PPP2R2C: variants seen among roughly 807,000 people sequenced by gnomAD.
PPP2R2C encodes the protein protein phosphatase 2, regulatory subunit B, gamma.
Under a neutral mutation model 45.3 loss-of-function variants are expected in PPP2R2C, and 10 were observed. That is an observed-to-expected ratio of 0.22 (90% CI 0.14 to 0.37). The LOEUF (loss-of-function observed/expected upper bound fraction) is 0.37. PPP2R2C is among the 10% of genes least tolerant of loss of function. The pLI is 1.00. For synonymous variants in PPP2R2C, 257 were observed against 245.4 expected (o/e 1.05, Z -0.44); for missense variants, 308 against 619.7 (o/e 0.50, Z 5.34).
At chr4:6,522,504 C>T (rs1364575702) in intron 2 of PPP2R2C, among the ~76,000 whole-genome samples, 1 of 152,256 alleles carries the variant, frequency 6.6e-6, no homozygotes, top group Non-Finnish European at 1.5e-5. Flanking sequence ...CCAAGAATTC[C>T]CACCCTGTGT....
intron 1 of PPP2R2C, among the ~76,000 whole-genome samples, chr4:6,394,689 T>A (rs1240950799): frequency 6.6e-6 from 1 of 152,188 alleles, no homozygotes; most frequent in East Asian, 1.9e-4. Flanking sequence ...ATCACTTGAG[T>A]CTCAGCCGGG....
At chr4:6,432,243 C>T (rs1719665266) in intron 1 of PPP2R2C, among the ~76,000 whole-genome samples, 1 of 152,204 alleles carries the variant, frequency 6.6e-6, no homozygotes, top group African/African-American at 2.4e-5. Flanking sequence ...TCCCTTGCCT[C>T]TCCTGAGCCA....
chr4:6,522,944 T>G (rs1310949230), intron 2 of PPP2R2C, among the ~76,000 whole-genome samples: 2 of 152,224 alleles, frequency 1.3e-5, no homozygotes, highest in African/African-American at 2.4e-5. Flanking sequence ...ATGAGGAAGC[T>G]GAGGCAGGGA....
At chr4:6,539,997 C>T (rs1056996245) in intron 1 of PPP2R2C, among the ~76,000 whole-genome samples, 2 of 152,228 alleles carry the variant, frequency 1.3e-5, no homozygotes, top group Non-Finnish European at 2.9e-5. Flanking sequence ...CTGCCCTACT[C>T]TGTCGCCTGG....
At chr4:6,412,293 C>T (rs975190559) in intron 1 of PPP2R2C, among the ~76,000 whole-genome samples, 3 of 152,074 alleles carry the variant, frequency 2.0e-5, no homozygotes, top group Admixed American at 6.5e-5. Context: ...TTCTAAACAA[C>T]GTTCAGGGGC....
chr4:6,380,760 C>G (rs987821838), intron 2 of PPP2R2C, among the ~76,000 whole-genome samples: 10 of 152,086 alleles, frequency 6.6e-5, no homozygotes, highest in Non-Finnish European at 1.5e-4. Context: ...CCTCGGCATT[C>G]CAAAGCATCC....
At chr4:6,520,585 G>T (rs758671345) in intron 2 of PPP2R2C, among the ~76,000 whole-genome samples, 7 of 152,248 alleles carry the variant, frequency 4.6e-5, no homozygotes, top group Non-Finnish European at 8.8e-5. Flanking sequence ...AAAACTGGCA[G>T]CCCTGTGTGA....
intron 1 of PPP2R2C, among the ~76,000 whole-genome samples, chr4:6,434,606 A>G (rs910973500): frequency 1.5e-4 from 23 of 151,860 alleles, no homozygotes; most frequent in Admixed American, 4.6e-4. Flanking sequence ...TGATCTGCCA[A>G]TCTCGGCCTC....
At chr4:6,478,049 C>A (rs879001655) in intron 2 of PPP2R2C, among the ~76,000 whole-genome samples, 2 of 152,178 alleles carry the variant, frequency 1.3e-5, no homozygotes, top group Admixed American at 6.5e-5. Context: ...AACTGCGTCT[C>A]CAGCCAACTC....
intron 1 of PPP2R2C, among the ~76,000 whole-genome samples, chr4:6,452,859 T>C (rs796280758): frequency 1.6e-4 from 25 of 152,368 alleles, no homozygotes; most frequent in African/African-American, 6.0e-4. Context: ...GGACCAGCTC[T>C]GTCCCACAGA....
At chr4:6,419,985 T>A (rs1718855358) in intron 1 of PPP2R2C, among the ~76,000 whole-genome samples, 1 of 152,158 alleles carries the variant, frequency 6.6e-6, no homozygotes, top group Non-Finnish European at 1.5e-5. Context: ...CCAAATAAGG[T>A]CACATTCTGA....
rs116602128 is a variant in PPP2R2C, at chr4:6,543,566, C to T, written c.-58-8189G>A. Among the ~76,000 whole-genome samples the T allele has an allele frequency of 4.7e-3, 721 of 152,286 alleles. 1 individual carries two copies. Among genetic ancestry groups the T allele is most frequent in the Middle Eastern group, 0.017 (5 of 294 alleles). ...CCAAACCCCGTCTCTACTAAAAATA[C>T]AAAAATTAGCTGGCCTCTCCCCTGA... On this transcript the variant is annotated intron_variant, in intron 1 of 9. Coordinates refer to the PPP2R2C transcript ENST00000506140.
At chr4:6,519,441 G>A (rs994419140) in intron 2 of PPP2R2C, among the ~76,000 whole-genome samples, 2 of 152,124 alleles carry the variant, frequency 1.3e-5, no homozygotes, top group African/African-American at 4.8e-5. Context: ...GGCCCCACGG[G>A]ACAGGCCCAT....
chr4:6,524,067 C>G (rs1161852569), intron 2 of PPP2R2C, among the ~76,000 whole-genome samples: 1 of 151,036 alleles, frequency 6.6e-6, no homozygotes, highest in Non-Finnish European at 1.5e-5. Flanking sequence ...GTGCCTGCCA[C>G]CAGGCCTGGC....
At chr4:6,409,728 C>G (rs375141148) in intron 1 of PPP2R2C, among the ~76,000 whole-genome samples, 1 of 152,172 alleles carries the variant, frequency 6.6e-6, no homozygotes, top group South Asian at 2.1e-4. Context: ...GGTCGGGGTT[C>G]AGGACTCACC....
At chr4:6,357,904 G>A (rs1713357776) in intron 5 of PPP2R2C, among the ~76,000 whole-genome samples, 1 of 151,986 alleles carries the variant, frequency 6.6e-6, no homozygotes, top group Non-Finnish European at 1.5e-5. Flanking sequence ...ATAGTCCTCG[G>A]GCATGCAGAG....
chr4:6,412,242 C>T (rs1386121823), intron 1 of PPP2R2C, among the ~76,000 whole-genome samples: 1 of 152,190 alleles, frequency 6.6e-6, no homozygotes, highest in Non-Finnish European at 1.5e-5. Flanking sequence ...CCAGTCAAAA[C>T]AAGGGAAGAG....
At chr4:6,351,394 C>A in intron 5 of PPP2R2C, 2 of 983,654 alleles carry the variant, frequency 2.0e-6, no homozygotes, top group Non-Finnish European at 2.4e-6. Flanking sequence ...GGCAAACACA[C>A]CCGAGCCACG....
chr4:6,530,006 C>G (rs915413908), intron 2 of PPP2R2C, among the ~76,000 whole-genome samples: 22 of 152,118 alleles, frequency 1.4e-4, no homozygotes, highest in Admixed American at 6.5e-5. Flanking sequence ...CTGGATGAGT[C>G]CCAGAGAATC....
Sources: allele counts gnomAD v4.1 joint callset (sites outside exome capture counted in the v4.1 genomes callset), GRCh38; gene constraint gnomAD v4.1.1; transcripts MANE v1.5; gene names NCBI Gene and HGNC (gene_info 2026-07-23, HGNC 2026-07-21).